Variants in SLCO1A2 observed in about 807,000 individuals in gnomAD.
SLCO1A2 encodes solute carrier organic anion transporter family member 1A2.
In SLCO1A2, 67 loss-of-function variants were observed where a neutral mutation model predicts 69.0. That is an observed-to-expected ratio of 0.97 (90% CI 0.80 to 1.19). SLCO1A2 has a LOEUF of 1.19. Ranked by LOEUF, SLCO1A2 falls within the 50% of genes most tolerant of loss-of-function variation. The pLI, the probability that SLCO1A2 is intolerant of heterozygous loss-of-function variation, is 0.00. For synonymous variants in SLCO1A2, 260 were observed against 265.9 expected (o/e 0.98, Z 0.22); for missense variants, 787 against 793.7 (o/e 0.99, Z 0.10).
intron 14 of SLCO1A2, among the ~76,000 whole-genome samples, chr12:21,270,152 A>AGAGT (rs1942548136): frequency 6.6e-6 from 1 of 151,860 alleles, no homozygotes; most frequent in Admixed American, 6.6e-5. Flanking sequence ...TACTCTTGTG[A>AGAGT]GAGTTTCTTT....
At chr12:21,319,581 T>C (rs1016042330) in intron 2 of SLCO1A2, 2 of 760,554 alleles carry the variant, frequency 2.6e-6, no homozygotes, top group Admixed American at 2.5e-5. Flanking sequence ...GTTTCTCAGC[T>C]GCAGTGTAAA....
chr12:21,281,192 C>G (rs1944723790), intron 12 of SLCO1A2, among the ~76,000 whole-genome samples: 1 of 152,116 alleles, frequency 6.6e-6, no homozygotes, highest in African/African-American at 2.4e-5. Context: ...TGGCTCACAC[C>G]TGTAATCCCA....
chr12:21,398,710 G>C (rs1429023679), upstream of SLCO1A2, among the ~76,000 whole-genome samples: 1 of 150,392 alleles, frequency 6.6e-6, no homozygotes, highest in South Asian at 2.1e-4. Context: ...GGGATGCAAG[G>C]CTGGTTCAAT....
At chr12:21,406,646 T>G (rs570755019) in intron 1 of SLCO1A2, among the ~76,000 whole-genome samples, 2 of 152,340 alleles carry the variant, frequency 1.3e-5, no homozygotes, top group Admixed American at 1.3e-4. Context: ...TAAGTACTAT[T>G]GTTATCCCAC....
intron 1 of SLCO1A2, chr12:21,403,602 A>T (rs892306365): frequency 6.6e-6 from 1 of 152,060 alleles, no homozygotes; most frequent in Non-Finnish European, 1.5e-5. Flanking sequence ...GTAAGTTTTA[A>T]ACCTTTGGTT....
intron 12 of SLCO1A2, among the ~76,000 whole-genome samples, chr12:21,281,484 A>G (rs1332090727): frequency 2.0e-5 from 3 of 152,036 alleles, no homozygotes; most frequent in Non-Finnish European, 2.9e-5. Context: ...CCAATAATGC[A>G]TATTAAAGAA....
intron 4 of SLCO1A2, chr12:21,311,742 A>C (rs12367829): frequency 6.8e-6 from 1 of 146,580 alleles, no homozygotes; most frequent in African/African-American, 2.7e-5. Context: ...CCTGACCAAC[A>C]TGGTGAAACT....
At chr12:21,412,754 C>A (rs1221462158) in intron 1 of SLCO1A2, among the ~76,000 whole-genome samples, 2 of 152,258 alleles carry the variant, frequency 1.3e-5, no homozygotes, top group South Asian at 2.1e-4. Context: ...AGGTTTGAAT[C>A]TTAGCCCCTC....
intron 1 of SLCO1A2, among the ~76,000 whole-genome samples, chr12:21,375,806 C>G (rs1197898690): frequency 6.6e-6 from 1 of 152,164 alleles, no homozygotes; most frequent in Non-Finnish European, 1.5e-5. Flanking sequence ...TTTAAACTCT[C>G]TTAAAGTCAA....
At chr12:21,369,177 GGAA>G (rs1258520611) in intron 2 of SLCO1A2, among the ~76,000 whole-genome samples, 12 of 152,164 alleles carry the variant, frequency 7.9e-5, no homozygotes, top group South Asian at 6.2e-4. Context: ...AAATGTGATA[GGAA>G]GAAGATTAAT....
At chr12:21,357,451 A>G (rs1056327953) in intron 2 of SLCO1A2, among the ~76,000 whole-genome samples, 1 of 152,182 alleles carries the variant, frequency 6.6e-6, no homozygotes, top group Non-Finnish European at 1.5e-5. Context: ...CTAATCTTAG[A>G]CTTCTTGCCT....
At position 21,301,261 on chromosome 12, in the gene SLCO1A2, C is replaced by T; in HGVS notation, c.598G>A (p.Glu200Lys). Residue 200 changes from glutamate to lysine, a missense_variant, in exon 7 of 15, where the codon GAA becomes AAA. Physicochemically the swap from Glu to Lys is moderately conservative, Grantham distance 56. Coordinates refer to ENST00000683939, the MANE Select transcript of SLCO1A2 (RefSeq NM_001386879.1). ...ENSPLYIGLV[E>K]TGAIIGPLIG... The stretch of plus-strand genomic sequence containing the variant: ...AAAGGACCAATAATAGCTCCTGTTT[C>T]TACAAGCCCTAAAAATAAATAAAAG... 6.2e-7 allele frequency: 1 copy of T among 1,608,184 alleles called. No individual in the cohort carries two copies. The highest frequency in any genetic ancestry group is 8.5e-7 in the Non-Finnish European group (1 of 1,176,384).
At chr12:21,274,886 T>C in intron 13 of SLCO1A2, 2 of 1,063,624 alleles carry the variant, frequency 1.9e-6, no homozygotes, top group Non-Finnish European at 2.3e-6. Flanking sequence ...TACATTTTAT[T>C]TGGGCAGAGC....
intron 2 of SLCO1A2, among the ~76,000 whole-genome samples, chr12:21,340,191 A>T (rs1458943781): frequency 6.6e-6 from 1 of 152,032 alleles, no homozygotes; most frequent in Non-Finnish European, 1.5e-5. Flanking sequence ...TTGTCAAATC[A>T]ACTGATTTTT....
At chr12:21,407,768 C>G (rs1372181387) in intron 1 of SLCO1A2, among the ~76,000 whole-genome samples, 1 of 150,976 alleles carries the variant, frequency 6.6e-6, no homozygotes, top group Admixed American at 6.6e-5. Context: ...GATTGTGCTA[C>G]TGTACCCCAA....
At chr12:21,290,176 T>A (rs182546959) in intron 12 of SLCO1A2, among the ~76,000 whole-genome samples, 8 of 152,002 alleles carry the variant, frequency 5.3e-5, no homozygotes, top group African/African-American at 1.9e-4. Flanking sequence ...TTATGAAAAA[T>A]TTTTAAGAAC....
chr12:21,345,572 A>T (rs1297438262), intron 2 of SLCO1A2, among the ~76,000 whole-genome samples: 11 of 152,142 alleles, frequency 7.2e-5, no homozygotes, highest in Admixed American at 7.2e-4. Flanking sequence ...ATTATAATTG[A>T]TTTTAAATTG....
At chr12:21,317,949 C>T (rs1951087909) in intron 3 of SLCO1A2, among the ~76,000 whole-genome samples, 1 of 152,060 alleles carries the variant, frequency 6.6e-6, no homozygotes, top group East Asian at 1.9e-4. Flanking sequence ...TCTCTAGAGG[C>T]TGCCTCTGAA....
chr12:21,394,716 G>A (rs1373564458), intron 1 of SLCO1A2, among the ~76,000 whole-genome samples: 2 of 152,108 alleles, frequency 1.3e-5, no homozygotes, highest in Admixed American at 6.5e-5. Flanking sequence ...TGCTTAGAAT[G>A]CTGGTCCTGG....
Sources: allele counts gnomAD v4.1 joint callset (sites outside exome capture counted in the v4.1 genomes callset), GRCh38; gene constraint gnomAD v4.1.1; transcripts MANE v1.5; gene names NCBI Gene and HGNC (gene_info 2026-07-23, HGNC 2026-07-21).